The following NUTM2G variants were observed in gnomAD, a reference collection of about 807,000 sequenced individuals.
NUTM2G encodes NUT family member 2G, also known as family with sequence similarity 22, member G.
In NUTM2G, 29 loss-of-function variants were observed where a neutral mutation model predicts 44.3. The ratio of observed to expected loss-of-function variants is 0.66; its 90% CI spans 0.49 to 0.89. The LOEUF (loss-of-function observed/expected upper bound fraction) is 0.89. NUTM2G is among the 40% of genes least tolerant of loss of function. The pLI is 0.00. For synonymous variants in NUTM2G, 205 were observed against 395.9 expected (o/e 0.52, Z 5.72); for missense variants, 502 against 946.5 (o/e 0.53, Z 6.16).
chr9:96,931,274 G>A (rs964285447), intron 1 of NUTM2G, among the ~76,000 whole-genome samples: 1 of 151,244 alleles, frequency 6.6e-6, no homozygotes, highest in African/African-American at 2.4e-5. Flanking sequence ...AAGAGGAGAT[G>A]GGGCCATAAT....
chr9:96,933,559 A>G (rs1024765846), intron 2 of NUTM2G: 1 of 151,878 alleles, frequency 6.6e-6, no homozygotes, highest in African/African-American at 2.4e-5. Flanking sequence ...TTTTTAGTAG[A>G]GACGGGGTTT....
chr9:96,940,712 G>C (rs1350595900), downstream of NUTM2G, among the ~76,000 whole-genome samples: 1 of 152,110 alleles, frequency 6.6e-6, no homozygotes, highest in Non-Finnish European at 1.5e-5. Context: ...AAGCTGATGG[G>C]GCAAAGCTCT....
downstream of NUTM2G, among the ~76,000 whole-genome samples, chr9:96,942,026 G>A (rs1247447726): frequency 6.6e-6 from 1 of 151,778 alleles, no homozygotes; most frequent in African/African-American, 2.4e-5. Flanking sequence ...CCCTGCTCAC[G>A]CAGCCAGGTC....
At chr9:96,933,672 T>A (rs932040066) in intron 2 of NUTM2G, 1 of 152,346 alleles carries the variant, frequency 6.6e-6, no homozygotes, top group Non-Finnish European at 1.5e-5. Flanking sequence ...GCACCCACCC[T>A]GGGTTTAGGT....
chr9:96,936,087 T>G, intron 3 of NUTM2G, among the ~76,000 whole-genome samples: 1 of 149,620 alleles, frequency 6.7e-6, no homozygotes, highest in Non-Finnish European at 1.5e-5. Context: ...TCAGGACTCC[T>G]GCATCTGGGC....
chr9:96,942,847 G>T (rs1826627170), downstream of NUTM2G: 1 of 151,890 alleles, frequency 6.6e-6, no homozygotes. Flanking sequence ...CCTAATAAAT[G>T]TAAGTGGATG....
intron 2 of NUTM2G, 63 bp downstream of exon 2, chr9:96,932,481 G>T (rs926130784): frequency 2.7e-6 from 3 of 1,120,630 alleles, no homozygotes; most frequent in East Asian, 5.0e-5. Context: ...CTGCTGGATG[G>T]ACAGGAGGTC....
downstream of NUTM2G, among the ~76,000 whole-genome samples, chr9:96,940,878 C>A (rs1382578936): frequency 6.6e-6 from 1 of 152,264 alleles, no homozygotes; most frequent in East Asian, 1.9e-4. Flanking sequence ...CGGAGGCCTG[C>A]CACCCGCTTT....
At chr9:96,931,041 C>G (rs541318733) in intron 1 of NUTM2G, among the ~76,000 whole-genome samples, 9 of 151,732 alleles carry the variant, frequency 5.9e-5, no homozygotes, top group Non-Finnish European at 1.2e-4. Flanking sequence ...ATTACAGGCA[C>G]GCATCATCAG....
At chr9:96,930,878 T>G (rs1230247256) in intron 1 of NUTM2G, among the ~76,000 whole-genome samples, 2 of 58,798 alleles carry the variant, frequency 3.4e-5, no homozygotes, top group African/African-American at 2.3e-4. Context: ...AGTGGTTTTT[T>G]TTTTTTTTTT....
At chr9:96,936,095 G>A (rs938312153) in intron 3 of NUTM2G, among the ~76,000 whole-genome samples, 22 of 149,282 alleles carry the variant, frequency 1.5e-4, no homozygotes, top group African/African-American at 5.5e-4. Flanking sequence ...CCTGCATCTG[G>A]GCATCATCCC....
At chr9:96,942,884 C>T (rs1410813439), downstream of NUTM2G, 1 of 150,260 alleles carries the variant, frequency 6.7e-6, no homozygotes, top group African/African-American at 2.5e-5. Flanking sequence ...CCCTTCATCC[C>T]CTTGCCCTTC....
chr9:96,930,263 G>A (rs1465071308), intron 1 of NUTM2G, among the ~76,000 whole-genome samples: 5 of 152,122 alleles, frequency 3.3e-5, no homozygotes, highest in Non-Finnish European at 7.4e-5. Context: ...GGTGGCTCAC[G>A]CCTGTAATCC....
chr9:96,937,794 C>G, intron 5 of NUTM2G, 91 bp from the exon 6 acceptor site: 1 of 1,568,974 alleles, frequency 6.4e-7, no homozygotes, highest in Non-Finnish European at 8.8e-7. Context: ...GGGAATGGGG[C>G]CCTCCCTGCT....
At chr9:96,934,132 C>A (rs888229473) in intron 2 of NUTM2G, among the ~76,000 whole-genome samples, 1 of 152,188 alleles carries the variant, frequency 6.6e-6, no homozygotes, top group East Asian at 1.9e-4. Context: ...GAGTGCACCA[C>A]GAGCCCAGCA....
At position 96,938,021 on chromosome 9, in the gene NUTM2G, G is replaced by A. The variant is rs1470334567; in HGVS notation, c.1440+20G>A. 2 of 1,612,378 alleles carry A rather than the reference G, an allele frequency of 1.2e-6. No individual in the cohort carries two copies. The highest frequency in any genetic ancestry group is 1.7e-6 in the Non-Finnish European group (2 of 1,179,836). On this transcript the variant is annotated intron_variant, in intron 6 of 6. Coordinates refer to ENST00000372322, the MANE Select transcript of NUTM2G (RefSeq NM_001170741.3). ...GCCCAGGTAGAGCAGCAGAGGGAGG[G>A]GAACCCAGGTACTCCAGGGGCAGGA...
intron 1 of NUTM2G, among the ~76,000 whole-genome samples, chr9:96,930,333 G>A (rs1362291883): frequency 6.6e-6 from 1 of 152,168 alleles, no homozygotes; most frequent in African/African-American, 2.4e-5. Flanking sequence ...AGACCAGCCT[G>A]ACCAATATGG....
chr9:96,931,482 G>C (rs1008433437), intron 1 of NUTM2G, among the ~76,000 whole-genome samples: 22 of 151,738 alleles, frequency 1.4e-4, no homozygotes, highest in African/African-American at 5.3e-4. Flanking sequence ...AGACAGCAAA[G>C]GCTTGGCTGT....
chr9:96,935,308 C>T lies in NUTM2G; in HGVS notation c.714-20C>T. The T allele has an allele frequency of 6.2e-7, 1 of 1,611,918 alleles. No individual in the cohort carries two copies. Among genetic ancestry groups the T allele is most frequent in the South Asian group, 1.1e-5 (1 of 90,994 alleles). ...TGGAGGGTGGGCTTACAGACTGGGA[C>T]TGACTGCACTGGTTTACAGCCCAGT... On this transcript the variant is annotated intron_variant, in intron 2 of 6. Transcript: ENST00000372322.
Sources: allele counts gnomAD v4.1 joint callset (sites outside exome capture counted in the v4.1 genomes callset), GRCh38; gene constraint gnomAD v4.1.1; transcripts MANE v1.5; gene names NCBI Gene and HGNC (gene_info 2026-07-23, HGNC 2026-07-21).